The following CYP2C19 variants were observed in gnomAD, a reference collection of about 807,000 sequenced individuals.
CYP2C19 encodes cytochrome P450 2C19.
Under a neutral mutation model 40.9 loss-of-function variants are expected in CYP2C19, and 59 were observed. The ratio of observed to expected loss-of-function variants is 1.44; its 90% CI spans 1.17 to 1.79. The LOEUF (loss-of-function observed/expected upper bound fraction) is 1.79, where lower values mean the gene tolerates loss of function less well. Ranked by LOEUF, CYP2C19 falls within the 40% of genes most tolerant of loss-of-function variation. The pLI, the probability that CYP2C19 is intolerant of heterozygous loss-of-function variation, is 0.00. For synonymous variants in CYP2C19, 253 were observed against 208.7 expected, an observed-to-expected ratio of 1.21 and a Z score of -1.83; for missense variants, 754 against 596.9, an observed-to-expected ratio of 1.26 and a Z score of -2.74.
intron 1 of CYP2C19, among the ~76,000 whole-genome samples, chr10:94,763,970 G>C (rs1276331843): frequency 6.6e-6 from 1 of 152,102 alleles, no homozygotes; most frequent in East Asian, 1.9e-4. Flanking sequence ...TGAAGCCGCA[G>C]ACCTTCGCAA....
chr10:94,788,075 C>G (rs564215275), intron 5 of CYP2C19, among the ~76,000 whole-genome samples: 1 of 151,668 alleles, frequency 6.6e-6, no homozygotes, highest in African/African-American at 2.4e-5. Context: ...CTTGTAGAGA[C>G]CGTTTGCCCC....
intron 5 of CYP2C19, among the ~76,000 whole-genome samples, chr10:94,797,097 T>G (rs11498700): frequency 0.16 from 25,070 of 152,108 alleles, 2,288 homozygotes; most frequent in East Asian, 0.37. Flanking sequence ...CTTCCAGTTT[T>G]TGCCCATTCA....
intron 5 of CYP2C19, among the ~76,000 whole-genome samples, chr10:94,793,599 G>T (rs566632044): frequency 1.8e-4 from 28 of 152,256 alleles, no homozygotes; most frequent in African/African-American, 5.8e-4. Flanking sequence ...TCAGGTGCAG[G>T]CCTGTTGGAG....
intron 5 of CYP2C19, among the ~76,000 whole-genome samples, chr10:94,817,349 ATG>A (rs1276582485): frequency 6.7e-6 from 1 of 149,390 alleles, no homozygotes; most frequent in Non-Finnish European, 1.5e-5. Context: ...GCATTTTTTC[ATG>A]TGTTTTTTGG....
intron 5 of CYP2C19, among the ~76,000 whole-genome samples, chr10:94,815,485 C>T (rs1322179): frequency 0.17 from 25,258 of 152,150 alleles, 2,296 homozygotes; most frequent in South Asian, 0.33. Flanking sequence ...AACACCCCAG[C>T]CCTAATTCAA....
intron 6 of CYP2C19, among the ~76,000 whole-genome samples, chr10:94,839,102 T>C (rs1849449824): frequency 6.6e-6 from 1 of 152,176 alleles, no homozygotes; most frequent in Non-Finnish European, 1.5e-5. Flanking sequence ...TAGAGCATCC[T>C]CTATGGTCCT....
chr10:94,818,498 A>G (rs1419728802), intron 5 of CYP2C19, among the ~76,000 whole-genome samples: 2 of 148,572 alleles, frequency 1.3e-5, no homozygotes, highest in African/African-American at 4.9e-5. Flanking sequence ...CCATTTTCAC[A>G]ATATTGATTC....
chr10:94,783,424 G>A (rs974209280), intron 5 of CYP2C19, among the ~76,000 whole-genome samples: 1 of 152,112 alleles, frequency 6.6e-6, no homozygotes, highest in African/African-American at 2.4e-5. Flanking sequence ...ATGGAAGAGG[G>A]AAGGCTTCAT....
At chr10:94,785,907 A>G (rs1377629950) in intron 5 of CYP2C19, among the ~76,000 whole-genome samples, 1 of 152,086 alleles carries the variant, frequency 6.6e-6, no homozygotes, top group African/African-American at 2.4e-5. Context: ...TTTGCATAAT[A>G]ACATTAGAGT....
In CYP2C19 at chr10:94,836,301, C is replaced by T. The variant is rs529818195; in HGVS notation, c.962-6536C>T. 1.6e-3 allele frequency among the ~76,000 whole-genome samples: 239 copies of T among 152,362 alleles called. 1 individual carries two copies. The highest frequency in any genetic ancestry group is 2.7e-3 in the Non-Finnish European group (186 of 68,040). On this transcript the variant is annotated intron_variant, in intron 6 of 8. Coordinates refer to ENST00000371321, the MANE Select transcript of CYP2C19 (RefSeq NM_000769.4). Reference sequence around the variant, plus strand: ...CACTACCTGTAAACCATGAGGCCAACCCTTTGCCACTACATCAGTTTCCTT... The same window carrying T: ...CACTACCTGTAAACCATGAGGCCAATCCTTTGCCACTACATCAGTTTCCTT...
intron 6 of CYP2C19, among the ~76,000 whole-genome samples, chr10:94,831,869 T>C (rs1321974324): frequency 6.6e-6 from 1 of 152,196 alleles, no homozygotes; most frequent in Non-Finnish European, 1.5e-5. Flanking sequence ...TTCCCTTTGT[T>C]GATTGTATCT....
chr10:94,817,728 C>T (rs1482110462), intron 5 of CYP2C19, among the ~76,000 whole-genome samples: 3 of 152,054 alleles, frequency 2.0e-5, no homozygotes, highest in African/African-American at 7.2e-5. Context: ...ACGTTTAAAT[C>T]TTTGGCCGGG....
chr10:94,793,768 C>T (rs1317743219), intron 5 of CYP2C19, among the ~76,000 whole-genome samples: 2 of 152,130 alleles, frequency 1.3e-5, no homozygotes, highest in Admixed American at 1.3e-4. Context: ...CAGTCGGCCC[C>T]TACTAGGAGG....
chr10:94,832,432 G>A (rs1849349149), intron 6 of CYP2C19, among the ~76,000 whole-genome samples: 2 of 152,116 alleles, frequency 1.3e-5, no homozygotes, highest in Non-Finnish European at 2.9e-5. Context: ...ACAACAGTAT[G>A]GGGGAAACCA....
At chr10:94,818,012 CAAAAAAAAAAA>C (rs71031597) in intron 5 of CYP2C19, among the ~76,000 whole-genome samples, 7 of 77,150 alleles carry the variant, frequency 9.1e-5, no homozygotes, top group African/African-American at 3.5e-4. Flanking sequence ...GACTCCATCT[CAAAAAAAAAAA>C]AAAAAAAAAA....
At chr10:94,822,684 C>A (rs569015298) in intron 6 of CYP2C19, among the ~76,000 whole-genome samples, 1 of 152,158 alleles carries the variant, frequency 6.6e-6, no homozygotes, top group African/African-American at 2.4e-5. Context: ...TTTGCATACC[C>A]ACCAGCAGTG....
chr10:94,821,360 T>G (rs1356748757), intron 6 of CYP2C19, among the ~76,000 whole-genome samples: 1 of 152,196 alleles, frequency 6.6e-6, no homozygotes, highest in African/African-American at 2.4e-5. Context: ...CAGGTTCAAA[T>G]GCTGGAGTAG....
In CYP2C19 at chr10:94,852,750, G is replaced by A. The variant is rs1437042029; in HGVS notation, c.1309G>A (p.Gly437Arg). 2 of 1,613,954 alleles carry A rather than the reference G, an allele frequency of 1.2e-6. No individual in the cohort carries two copies. Among genetic ancestry groups the A allele is most frequent in the Admixed American group, 1.7e-5 (1 of 59,992 alleles). ...PFSAGKRICV[G>R]EGLARMELFL... ...ATTTTCAGGAAAACGGATTTGTGTG[G>A]GAGAGGGCCTGGCCCGCATGGAGCT... The change falls in exon 9 of 9, where the codon GGA becomes AGA. Residue 437 changes from glycine to arginine, a missense_variant. By Grantham distance (125) the Gly-to-Arg change is moderately radical (BLOSUM62 -2). Transcript: ENST00000371321.
intron 5 of CYP2C19, among the ~76,000 whole-genome samples, chr10:94,796,954 T>C (rs1193974662): frequency 2.0e-5 from 3 of 152,112 alleles, no homozygotes; most frequent in Admixed American, 2.0e-4. Context: ...CAATTTGACT[T>C]CCTCTTTTCC....
Sources: allele counts gnomAD v4.1 joint callset (sites outside exome capture counted in the v4.1 genomes callset), GRCh38; gene constraint gnomAD v4.1.1; transcripts MANE v1.5; gene names NCBI Gene and HGNC (gene_info 2026-07-23, HGNC 2026-07-21).